Variants in HFM1 observed in about 807,000 individuals in gnomAD.
HFM1 encodes the protein helicase for meiosis 1.
HFM1 carries 169 observed loss-of-function variants against 192.1 expected under a neutral mutation model. The observed-to-expected ratio is 0.88, with a 90% CI of 0.78 to 1.00. The LOEUF is 1.00. Ranked by LOEUF, HFM1 falls within the 50% of genes least tolerant of loss-of-function variation. The pLI, the probability that HFM1 is intolerant of heterozygous loss-of-function variation, is 0.00. For missense variants in HFM1, 1,661 were observed against 1,668.0 expected, an observed-to-expected ratio of 1.00 and a Z score of 0.07; for synonymous variants, 525 against 537.8, an observed-to-expected ratio of 0.98 and a Z score of 0.33.
chr1:91,397,161 C>T (rs1663760492), intron 2 of HFM1, among the ~76,000 whole-genome samples: 1 of 152,190 alleles, frequency 6.6e-6, no homozygotes, highest in Non-Finnish European at 1.5e-5. Flanking sequence ...ATTCCTATAA[C>T]ATTATTACAA....
chr1:91,405,312 A>T (rs959865286), upstream of HFM1, among the ~76,000 whole-genome samples: 3 of 152,234 alleles, frequency 2.0e-5, no homozygotes, highest in Admixed American at 1.3e-4. Context: ...AGCCAACATG[A>T]ATTTATAAAA....
At chr1:91,391,453 C>T (rs1229983245) in intron 4 of HFM1, among the ~76,000 whole-genome samples, 1 of 152,200 alleles carries the variant, frequency 6.6e-6, no homozygotes, top group African/African-American at 2.4e-5. Context: ...TATCACACAT[C>T]TACAACCATC....
chr1:91,262,144 T>C, intron 38 of HFM1, 97 bp downstream of exon 38: 1 of 575,506 alleles, frequency 1.7e-6, no homozygotes. Flanking sequence ...ATGTTCAGGC[T>C]GTGATCTTTA....
chr1:91,346,380 A>G (rs1167766292), intron 19 of HFM1, among the ~76,000 whole-genome samples: 4 of 152,354 alleles, frequency 2.6e-5, no homozygotes, highest in Admixed American at 6.5e-5. Flanking sequence ...AAATTTATCA[A>G]TACCTTGAAG....
At chr1:91,381,055 A>G (rs1463734524) in intron 6 of HFM1, 73 bp from the exon 7 acceptor site, 5 of 713,316 alleles carry the variant, frequency 7.0e-6, no homozygotes, top group Non-Finnish European at 5.0e-6. Context: ...AAACTAAGTT[A>G]CATTAATATA....
intron 29 of HFM1, 114 bp from the exon 30 acceptor site, chr1:91,313,609 TC>T: frequency 1.7e-6 from 1 of 597,888 alleles, no homozygotes; most frequent in Non-Finnish European, 2.6e-6. Flanking sequence ...AGCTAAGAAG[TC>T]CAGAAAGTTA....
At chr1:91,385,279 T>G (rs768792591) in intron 5 of HFM1, 45 bp from the exon 6 acceptor site, 1 of 1,106,778 alleles carries the variant, frequency 9.0e-7, no homozygotes, top group African/African-American at 1.6e-5. Flanking sequence ...CAAAAAAAAA[T>G]TAATGGTCAG....
At chr1:91,298,762 C>A (rs534189512) in intron 30 of HFM1, among the ~76,000 whole-genome samples, 98 of 152,296 alleles carry the variant, frequency 6.4e-4, no homozygotes, top group African/African-American at 2.1e-3. Context: ...ACCACCAGGC[C>A]TGCCCTAAAA....
intron 17 of HFM1, 33 bp from the exon 18 acceptor site, chr1:91,350,904 C>A (rs1656847872): frequency 6.6e-7 from 1 of 1,519,142 alleles, no homozygotes; most frequent in African/African-American, 1.4e-5. Flanking sequence ...TATGAATATG[C>A]AGTTCAATGC....
chr1:91,359,417 C>T (rs1658202340), intron 13 of HFM1, among the ~76,000 whole-genome samples: 1 of 152,112 alleles, frequency 6.6e-6, no homozygotes, highest in Non-Finnish European at 1.5e-5. Flanking sequence ...CATAACTGAT[C>T]TGATGGAGGT....
intron 18 of HFM1, 69 bp downstream of exon 18, chr1:91,350,669 C>CG (rs1473797085): frequency 2.8e-5 from 40 of 1,411,606 alleles, no homozygotes; most frequent in Non-Finnish European, 3.8e-5. Flanking sequence ...TATCCTGTAA[C>CG]TTATTAGTAT....
chr1:91,398,873 A>C (rs1663980010), intron 2 of HFM1, among the ~76,000 whole-genome samples: 1 of 151,956 alleles, frequency 6.6e-6, no homozygotes, highest in Non-Finnish European at 1.5e-5. Context: ...TTGTATTTTT[A>C]GTAGAGATGG....
At chr1:91,347,711 T>C (rs1236034475) in intron 18 of HFM1, among the ~76,000 whole-genome samples, 1 of 152,188 alleles carries the variant, frequency 6.6e-6, no homozygotes, top group African/African-American at 2.4e-5. Context: ...CAAGTATCTA[T>C]CAAGTGATTA....
intron 13 of HFM1, among the ~76,000 whole-genome samples, chr1:91,360,853 C>T (rs1557444818): frequency 6.6e-6 from 1 of 152,128 alleles, no homozygotes. Context: ...GTCTCTCAGA[C>T]CAGAGCACAA....
intron 30 of HFM1, among the ~76,000 whole-genome samples, chr1:91,293,319 T>C (rs1327404627): frequency 6.6e-6 from 1 of 152,108 alleles, no homozygotes; most frequent in African/African-American, 2.4e-5. Context: ...AAAGGGCTAA[T>C]ATCCAGAATC....
At chr1:91,276,073 T>C (rs1412931245) in intron 32 of HFM1, among the ~76,000 whole-genome samples, 2 of 152,164 alleles carry the variant, frequency 1.3e-5, no homozygotes, top group African/African-American at 4.8e-5. Flanking sequence ...TCCCTCTCTC[T>C]CTCTCTTTCT....
intron 4 of HFM1, among the ~76,000 whole-genome samples, chr1:91,391,988 A>G (rs911739493): frequency 6.6e-6 from 1 of 152,252 alleles, no homozygotes; most frequent in African/African-American, 2.4e-5. Flanking sequence ...CAACAGACAC[A>G]TGAAAAAATG....
At chr1:91,298,398 G>A (rs1195218399) in intron 30 of HFM1, among the ~76,000 whole-genome samples, 1 of 152,160 alleles carries the variant, frequency 6.6e-6, no homozygotes, top group Non-Finnish European at 1.5e-5. Context: ...CCCCAATCTA[G>A]CAAGGCAGGC....
intron 13 of HFM1, among the ~76,000 whole-genome samples, chr1:91,366,370 A>G (rs1659314330): frequency 1.3e-5 from 2 of 152,236 alleles, no homozygotes; most frequent in African/African-American, 2.4e-5. Flanking sequence ...AGTTAAGTTT[A>G]TGAGCAAGCA....
Sources: allele counts gnomAD v4.1 joint callset (sites outside exome capture counted in the v4.1 genomes callset), GRCh38; gene constraint gnomAD v4.1.1; transcripts MANE v1.5; gene names NCBI Gene and HGNC (gene_info 2026-07-23, HGNC 2026-07-21).